Variants in NFIA observed in about 807,000 individuals in gnomAD.
NFIA encodes nuclear factor 1 A-type.
Under a neutral mutation model 62.8 loss-of-function variants are expected in NFIA, and 8 were observed. The ratio of observed to expected loss-of-function variants is 0.13; its 90% CI spans 0.07 to 0.23. The LOEUF is 0.23. Ranked by LOEUF, NFIA falls within the 10% of genes least tolerant of loss-of-function variation. The pLI is 1.00. For synonymous variants in NFIA, 235 were observed against 238.1 expected (o/e 0.99, Z 0.12); for missense variants, 410 against 642.1 (o/e 0.64, Z 3.91).
chr1:61,156,003 C>T (rs1164794441), intron 2 of NFIA, among the ~76,000 whole-genome samples: 2 of 151,888 alleles, frequency 1.3e-5, no homozygotes, highest in African/African-American at 2.4e-5. Flanking sequence ...CTCGGCGTTG[C>T]GTGCGCCTGT....
At chr1:61,289,724 T>G (rs1658744169) in intron 3 of NFIA, among the ~76,000 whole-genome samples, 1 of 152,248 alleles carries the variant, frequency 6.6e-6, no homozygotes, top group Non-Finnish European at 1.5e-5. Flanking sequence ...TCCTTCCTCT[T>G]GTTTTGCTCT....
At chr1:61,132,520 G>A (rs574963788) in intron 2 of NFIA, among the ~76,000 whole-genome samples, 12 of 152,284 alleles carry the variant, frequency 7.9e-5, no homozygotes, top group African/African-American at 2.9e-4. Flanking sequence ...CAGATAACTT[G>A]GGAGCAGTTG....
Position 61,458,344 on chromosome 1 carries a change from G to A in NFIA, c.*3024G>A, listed in dbSNP as rs898560171. The A allele has an allele frequency of 2.6e-5, 4 of 152,084 alleles. No individual in the cohort carries two copies. The highest frequency in any genetic ancestry group is 9.7e-5 in the African/African-American group (4 of 41,400). 9.4% of individuals were successfully genotyped at this position (152,084 alleles called of 1,614,324 possible). On this transcript the variant is annotated 3_prime_UTR_variant, in exon 11 of 11. Coordinates refer to ENST00000403491, the MANE Select transcript of NFIA (RefSeq NM_001134673.4). The stretch of plus-strand genomic sequence containing the variant: ...AATTGGTTGTATATACAATAAAATT[G>A]CACCCTTTTTTAAACAAAACAAACT...
intron 6 of NFIA, among the ~76,000 whole-genome samples, chr1:61,370,237 A>C (rs1024447605): frequency 6.6e-6 from 1 of 152,216 alleles, no homozygotes; most frequent in Non-Finnish European, 1.5e-5. Flanking sequence ...TTTTAGATAC[A>C]TCATAAACTC....
chr1:61,113,820 G>A (rs920227072), intron 2 of NFIA, among the ~76,000 whole-genome samples: 10 of 152,106 alleles, frequency 6.6e-5, no homozygotes, highest in African/African-American at 2.4e-4. Context: ...TGCACGATTT[G>A]TCCTAGAGCA....
At chr1:61,276,607 T>G (rs1337555044) in intron 2 of NFIA, among the ~76,000 whole-genome samples, 1 of 152,184 alleles carries the variant, frequency 6.6e-6, no homozygotes, top group Non-Finnish European at 1.5e-5. Flanking sequence ...AAATCAAAAT[T>G]TTTCCCCTTG....
intron 10 of NFIA, among the ~76,000 whole-genome samples, chr1:61,453,878 C>T (rs1225315623): frequency 1.3e-5 from 2 of 152,138 alleles, no homozygotes; most frequent in African/African-American, 2.4e-5. Flanking sequence ...CCTTTCAGGA[C>T]ACAAGAGGCT....
intron 9 of NFIA, among the ~76,000 whole-genome samples, chr1:61,412,887 CTG>C (rs1666166713): frequency 6.6e-6 from 1 of 152,046 alleles, no homozygotes; most frequent in African/African-American, 2.4e-5. Context: ...TTTCTGGTAA[CTG>C]TACTTTAAGT....
At chr1:61,287,664 C>G (rs1040692115) in intron 3 of NFIA, among the ~76,000 whole-genome samples, 2 of 151,884 alleles carry the variant, frequency 1.3e-5, no homozygotes, top group Non-Finnish European at 2.9e-5. Flanking sequence ...CAACCCCCCC[C>G]AAAAAAAACA....
intron 2 of NFIA, among the ~76,000 whole-genome samples, chr1:61,164,450 T>G (rs930934137): frequency 1.3e-5 from 2 of 151,608 alleles, no homozygotes; most frequent in Non-Finnish European, 2.9e-5. Context: ...TTGTTATGTG[T>G]TTTTTTTGTT....
intron 10 of NFIA, among the ~76,000 whole-genome samples, chr1:61,453,908 A>T (rs770773459): frequency 6.6e-6 from 1 of 152,186 alleles, no homozygotes; most frequent in Non-Finnish European, 1.5e-5. Context: ...TCCTCAAAGC[A>T]TGTGGTCAAA....
chr1:61,270,521 A>G (rs1471750936), intron 2 of NFIA, among the ~76,000 whole-genome samples: 1 of 152,228 alleles, frequency 6.6e-6, no homozygotes, highest in African/African-American at 2.4e-5. Flanking sequence ...AAAATAATGC[A>G]TGTAGATTAT....
intron 3 of NFIA, among the ~76,000 whole-genome samples, chr1:61,329,335 T>C (rs997920343): frequency 2.0e-5 from 3 of 150,486 alleles, no homozygotes; most frequent in East Asian, 4.0e-4. Context: ...TGGGAGCCAC[T>C]GCCCCCGGCC....
chr1:61,196,266 CT>C (rs1159646212), intron 2 of NFIA, among the ~76,000 whole-genome samples: 2 of 152,050 alleles, frequency 1.3e-5, no homozygotes, highest in East Asian at 3.9e-4. Context: ...TTTGTATAAA[CT>C]TTATAAAGGA....
At chr1:61,124,008 C>A (rs938681173) in intron 2 of NFIA, among the ~76,000 whole-genome samples, 2 of 152,144 alleles carry the variant, frequency 1.3e-5, no homozygotes, top group Admixed American at 6.5e-5. Flanking sequence ...GAGAAAGATA[C>A]CTCCTCCTAG....
chr1:61,253,976 T>C (rs943181085), intron 2 of NFIA, among the ~76,000 whole-genome samples: 2 of 152,210 alleles, frequency 1.3e-5, no homozygotes, highest in African/African-American at 4.8e-5. Flanking sequence ...ATTTCTTCTA[T>C]TTTGTTTGAT....
At chr1:61,176,873 G>A (rs1400418680) in intron 2 of NFIA, among the ~76,000 whole-genome samples, 4 of 152,060 alleles carry the variant, frequency 2.6e-5, no homozygotes, top group South Asian at 2.1e-4. Flanking sequence ...GGGAGGCTGC[G>A]GCGGGCAGAT....
chr1:61,160,044 C>G (rs572130137), intron 2 of NFIA, among the ~76,000 whole-genome samples: 1 of 152,260 alleles, frequency 6.6e-6, no homozygotes, highest in African/African-American at 2.4e-5. Flanking sequence ...TTTATAGATA[C>G]AGACATTCTT....
rs537524032 is a variant in NFIA, at chr1:61,396,307, G to A, written c.1076-7797G>A. On this transcript the variant is annotated intron_variant, in intron 7 of 10. Transcript: ENST00000403491. ...GTCACCCAGGCTAGAGTGCAGTGGTGTGATCATGGCTCACTGCAGCCTCAA... is the reference window on the plus strand; with the variant it reads ...GTCACCCAGGCTAGAGTGCAGTGGTATGATCATGGCTCACTGCAGCCTCAA... Among the ~76,000 whole-genome samples the A allele has an allele frequency of 3.9e-5, 6 of 152,230 alleles. No homozygotes were observed. In the East Asian group the frequency reaches 9.7e-4, roughly 25 times the overall value.
Sources: gnomAD v4.1 joint callset for allele counts (sites outside exome capture counted in the v4.1 genomes callset) on GRCh38, gnomAD v4.1.1 for gene constraint, MANE v1.5 for transcripts, NCBI Gene and HGNC (gene_info 2026-07-23, HGNC 2026-07-21) for gene names.